The following ULK4 variants were observed in gnomAD, a reference collection of about 807,000 sequenced individuals.
ULK4 encodes inactive serine/threonine-protein kinase ULK4.
A neutral mutation model predicts 160.6 loss-of-function variants in ULK4; 133 were observed. The ratio of observed to expected loss-of-function variants is 0.83; its 90% CI spans 0.72 to 0.96. The LOEUF is 0.96. ULK4 is among the 40% of genes least tolerant of loss of function. The pLI is 0.00. For missense variants in ULK4, 1,580 were observed against 1,499.5 expected, an observed-to-expected ratio of 1.05 and a Z score of -0.89; for synonymous variants, 534 against 539.8, an observed-to-expected ratio of 0.99 and a Z score of 0.15.
intron 21 of ULK4, among the ~76,000 whole-genome samples, chr3:41,757,327 T>C (rs2038836417): frequency 1.3e-5 from 2 of 152,050 alleles, no homozygotes; most frequent in Admixed American, 1.3e-4. Flanking sequence ...ATCAAAAACA[T>C]TTTGGCTGAT....
chr3:41,891,341 TGGAG>T (rs1158941591), intron 16 of ULK4, among the ~76,000 whole-genome samples: 13 of 18,104 alleles, frequency 7.2e-4, no homozygotes, highest in African/African-American at 1.6e-3. Context: ...AAGACGGGAC[TGGAG>T]GGAGGGAGGG....
In ULK4 at chr3:41,544,452, A is replaced by T. The variant is rs116851824; in HGVS notation, c.3226+21573T>A. Among the ~76,000 whole-genome samples the T allele has an allele frequency of 3.9e-4, 60 of 152,308 alleles. No homozygotes were observed. The East Asian group carries it at 0.011, about 27-fold the overall frequency. On this transcript the variant is annotated intron_variant, in intron 32 of 36. Transcript: ENST00000301831. The stretch of plus-strand genomic sequence containing the variant: ...GGCCTCAACATCAGCCAGAAGAGAG[A>T]CTGGGTCCCCTTCAGGTCTTTCTTC...
At chr3:41,489,635 T>C (rs796381672) in intron 32 of ULK4, among the ~76,000 whole-genome samples, 72 of 152,300 alleles carry the variant, frequency 4.7e-4, no homozygotes, top group African/African-American at 1.7e-3. Flanking sequence ...AGGCACTATC[T>C]GCAAAGTCCT....
chr3:41,746,339 T>TA (rs1351563251), intron 22 of ULK4, among the ~76,000 whole-genome samples: 2 of 92,334 alleles, frequency 2.2e-5, no homozygotes, highest in Non-Finnish European at 4.6e-5. Context: ...CTGTAGAAGA[T>TA]AAAATCAAAA....
intron 35 of ULK4, among the ~76,000 whole-genome samples, chr3:41,377,995 C>G (rs1453840567): frequency 4.6e-5 from 7 of 151,564 alleles, no homozygotes; most frequent in African/African-American, 7.3e-5. Flanking sequence ...CAATGATAGA[C>G]TGGATTAAGA....
rs1406523376 is a variant in ULK4, at chr3:41,715,679, T to C, written c.2456-111A>G. ...ACTTCTAAGGTAATTAATCTCCAAA[T>C]AAAATAAGCAGATATACTTATTCAC... On this transcript the variant is annotated intron_variant, in intron 23 of 36. Coordinates refer to ENST00000301831, the MANE Select transcript of ULK4 (RefSeq NM_017886.4). 4.4e-6 allele frequency: 6 copies of C among 1,377,842 alleles called. No homozygotes were observed. The African/African-American group carries it at 4.4e-5, about 10-fold the overall frequency. The allele number at this position is 1,377,842 out of a possible 1,614,324, so 85.4% of individuals were successfully genotyped here.
intron 22 of ULK4, among the ~76,000 whole-genome samples, chr3:41,742,571 A>G (rs2038278254): frequency 6.6e-6 from 1 of 151,980 alleles, no homozygotes; most frequent in African/African-American, 2.4e-5. Context: ...GACGTATTCT[A>G]AAATCACTCA....
chr3:41,828,234 G>A (rs1182524383), intron 18 of ULK4, among the ~76,000 whole-genome samples: 1 of 143,542 alleles, frequency 7.0e-6, no homozygotes, highest in Non-Finnish European at 1.5e-5. Context: ...TTTGAAAACT[G>A]GCACAAGACA....
intron 31 of ULK4, among the ~76,000 whole-genome samples, chr3:41,602,380 G>A (rs912149615): frequency 6.7e-6 from 1 of 149,860 alleles, no homozygotes; most frequent in African/African-American, 2.5e-5. Flanking sequence ...GAAAAAGGAA[G>A]GGAAGGAGAA....
intron 18 of ULK4, among the ~76,000 whole-genome samples, chr3:41,829,312 A>G (rs1235554037): frequency 2.7e-5 from 4 of 146,476 alleles, no homozygotes; most frequent in Admixed American, 6.8e-5. Flanking sequence ...TAATTAAACT[A>G]AAGAGCTTCT....
chr3:41,674,944 A>G (rs1294716040), intron 29 of ULK4, among the ~76,000 whole-genome samples: 3 of 152,190 alleles, frequency 2.0e-5, no homozygotes, highest in Non-Finnish European at 4.4e-5. Flanking sequence ...CCTTATTTAG[A>G]AAAAGGGTTT....
intron 32 of ULK4, among the ~76,000 whole-genome samples, chr3:41,519,685 G>A (rs2125930465): frequency 6.6e-6 from 1 of 152,238 alleles, no homozygotes; most frequent in East Asian, 1.9e-4. Context: ...AAGAAACACT[G>A]TGTACATTTT....
intron 21 of ULK4, among the ~76,000 whole-genome samples, chr3:41,779,985 TAAAAAAAAA>T (rs777587812): frequency 5.1e-5 from 3 of 59,370 alleles, no homozygotes; most frequent in Admixed American, 1.8e-4. Flanking sequence ...TAGAGTATAA[TAAAAAAAAA>T]AAAAAAAAAA....
At chr3:41,353,703 T>A (rs201736805) in intron 35 of ULK4, among the ~76,000 whole-genome samples, 419 of 16,434 alleles carry the variant, frequency 0.025, 2 homozygotes, top group South Asian at 0.14. Context: ...TTACAATTAC[T>A]ACTACTACTA....
At chr3:41,677,948 T>C (rs1004600428) in intron 29 of ULK4, among the ~76,000 whole-genome samples, 25 of 152,154 alleles carry the variant, frequency 1.6e-4, no homozygotes, top group African/African-American at 5.8e-4. Flanking sequence ...AAAAGGCTGA[T>C]TAAGAGGAAA....
chr3:41,479,593 T>G (rs1046857489), intron 32 of ULK4, among the ~76,000 whole-genome samples: 1 of 152,018 alleles, frequency 6.6e-6, no homozygotes, highest in South Asian at 2.1e-4. Context: ...CAGTAAACAA[T>G]GAGAAAGACT....
rs145008059 is a variant in ULK4 at position 41,591,401 on chromosome 3, C to T, written c.3120+24268G>A. On this transcript the variant is annotated intron_variant, in intron 31 of 36. Transcript: ENST00000301831. ...AGATGAAAGTTGAATAGAGTCTAAA[C>T]GGGATGTCCAATCTTTTGGCTTCCC... Among the ~76,000 whole-genome samples, 60 of 151,434 alleles carry T rather than the reference C, an allele frequency of 4.0e-4. No individual in the cohort carries two copies. In the East Asian group the frequency reaches 8.5e-3, roughly 22 times the overall value.
In ULK4 at chr3:41,386,640, C is replaced by A. The variant is rs2081818843; in HGVS notation, c.3678+11439G>T. On this transcript the variant is annotated intron_variant, in intron 35 of 36. Transcript: ENST00000301831. ...CTAGAGCCAAACTTAGTTCACATTCCCCTGCCTCAGAGACCTATACTCAAT... is the reference window on the plus strand; with the variant it reads ...CTAGAGCCAAACTTAGTTCACATTCACCTGCCTCAGAGACCTATACTCAAT... 3.3e-5 allele frequency among the ~76,000 whole-genome samples: 5 copies of A among 152,094 alleles called. No homozygotes were observed. The South Asian group carries it at 1.0e-3, about 32-fold the overall frequency.
At chr3:41,703,253 T>C (rs2036746319) in intron 27 of ULK4, among the ~76,000 whole-genome samples, 1 of 151,366 alleles carries the variant, frequency 6.6e-6, no homozygotes. Context: ...TTTTCAAACA[T>C]ACAGAATATC....
Sources: gnomAD v4.1 joint callset for allele counts (sites outside exome capture counted in the v4.1 genomes callset) on GRCh38, gnomAD v4.1.1 for gene constraint, MANE v1.5 for transcripts, NCBI Gene and HGNC (gene_info 2026-07-23, HGNC 2026-07-21) for gene names.